The following ARID3B variants were observed in gnomAD, a reference collection of about 807,000 sequenced individuals.
ARID3B encodes AT-rich interaction domain 3B, also known as AT-rich interactive domain-containing protein 3B.
Under a neutral mutation model 51.9 loss-of-function variants are expected in ARID3B, and 10 were observed. The observed-to-expected ratio is 0.19, with a 90% CI of 0.12 to 0.33. The LOEUF is 0.33. Ranked by LOEUF, ARID3B falls within the 10% of genes least tolerant of loss-of-function variation. ARID3B has a pLI of 1.00. For synonymous variants in ARID3B, 205 were observed against 279.5 expected, an observed-to-expected ratio of 0.73 and a Z score of 2.66; for missense variants, 483 against 716.3, an observed-to-expected ratio of 0.67 and a Z score of 3.72.
At chr15:74,577,828 G>A (rs756625225) in intron 4 of ARID3B, among the ~76,000 whole-genome samples, 2 of 151,108 alleles carry the variant, frequency 1.3e-5, no homozygotes, top group Non-Finnish European at 3.0e-5. Flanking sequence ...CCACCACACC[G>A]TGCTGGGCCT....
chr15:74,587,335 G>A (rs1567126119), intron 4 of ARID3B, among the ~76,000 whole-genome samples: 1 of 152,188 alleles, frequency 6.6e-6, no homozygotes, highest in African/African-American at 2.4e-5. Context: ...CTCCAAGGAC[G>A]AATCATGAAG....
At chr15:74,546,186 G>A (rs1441975477) in intron 2 of ARID3B, among the ~76,000 whole-genome samples, 1 of 152,214 alleles carries the variant, frequency 6.6e-6, no homozygotes, top group Non-Finnish European at 1.5e-5. Context: ...CACCCTGGCC[G>A]CCAGCCCAGA....
intron 2 of ARID3B, among the ~76,000 whole-genome samples, chr15:74,566,666 A>G (rs1037237120): frequency 6.6e-6 from 1 of 152,238 alleles, no homozygotes; most frequent in Non-Finnish European, 1.5e-5. Context: ...GAAATTCTCT[A>G]TGATTTCAGT....
At chr15:74,557,598 T>C (rs2061663437) in intron 2 of ARID3B, among the ~76,000 whole-genome samples, 1 of 152,186 alleles carries the variant, frequency 6.6e-6, no homozygotes, top group African/African-American at 2.4e-5. Flanking sequence ...TGTCAGTCTG[T>C]TAATCTTTTT....
chr15:74,564,668 A>T (rs1421432482), intron 2 of ARID3B, among the ~76,000 whole-genome samples: 1 of 152,002 alleles, frequency 6.6e-6, no homozygotes, highest in Non-Finnish European at 1.5e-5. Context: ...TGGTTCAATC[A>T]TGACTCATTG....
intron 8 of ARID3B, among the ~76,000 whole-genome samples, chr15:74,595,028 G>A (rs547388066): frequency 1.3e-5 from 2 of 152,258 alleles, no homozygotes; most frequent in East Asian, 3.9e-4. Context: ...AGAAGTTGAA[G>A]GCTCCTCAAA....
intron 1 of ARID3B, among the ~76,000 whole-genome samples, chr15:74,543,018 G>A: frequency 6.6e-6 from 1 of 152,202 alleles, no homozygotes; most frequent in East Asian, 1.9e-4. Context: ...GGGATGTGAA[G>A]AGATTTACTT....
At chr15:74,575,127 T>C in intron 4 of ARID3B, 1 of 152,164 alleles carries the variant, frequency 6.6e-6, no homozygotes, top group East Asian at 1.9e-4. Context: ...TACCTTTTAA[T>C]TATTTACAAG....
intron 2 of ARID3B, among the ~76,000 whole-genome samples, chr15:74,564,110 A>T (rs781365245): frequency 1.4e-4 from 22 of 152,222 alleles, no homozygotes; most frequent in Non-Finnish European, 2.6e-4. Flanking sequence ...TCTGATAATT[A>T]TAACTCTAGT....
chr15:74,588,802 C>CG (rs2061791398), intron 4 of ARID3B, among the ~76,000 whole-genome samples: 1 of 151,938 alleles, frequency 6.6e-6, no homozygotes, highest in African/African-American at 2.4e-5. Context: ...CACTTCCCCT[C>CG]GGGGCCATTG....
chr15:74,564,839 G>C (rs961914584), intron 2 of ARID3B, among the ~76,000 whole-genome samples: 4 of 151,804 alleles, frequency 2.6e-5, no homozygotes, highest in Non-Finnish European at 5.9e-5. Flanking sequence ...GGGCTCAAGT[G>C]ATCCACCTGC....
Position 74,597,729 on chromosome 15 carries a change from A to T in ARID3B, c.*1955A>T. 2.1e-6 allele frequency: 1 copy of T among 475,306 alleles called. No homozygotes were observed. 29.4% of individuals were successfully genotyped at this position (475,306 alleles called of 1,614,324 possible). On this transcript the variant is annotated 3_prime_UTR_variant, in exon 9 of 9. Transcript: ENST00000346246. The stretch of plus-strand genomic sequence containing the variant: ...TGGACTCTTCCCACCCAGAGGATGC[A>T]GGGAAAGCACACTGTGTCTTTCCGG...
chr15:74,560,437 A>G (rs2061675866), intron 2 of ARID3B, among the ~76,000 whole-genome samples: 1 of 152,128 alleles, frequency 6.6e-6, no homozygotes, highest in Admixed American at 6.5e-5. Flanking sequence ...TTTCACAAAT[A>G]TATTTTGTCT....
At chr15:74,585,948 C>T (rs2061780108) in intron 4 of ARID3B, among the ~76,000 whole-genome samples, 1 of 152,234 alleles carries the variant, frequency 6.6e-6, no homozygotes. Flanking sequence ...GGCATAGCCT[C>T]CGCTCTGTTT....
intron 4 of ARID3B, among the ~76,000 whole-genome samples, chr15:74,584,535 G>A (rs1052159672): frequency 1.3e-5 from 2 of 152,228 alleles, no homozygotes; most frequent in African/African-American, 4.8e-5. Flanking sequence ...AGCCATATGA[G>A]TCTGTCTGGG....
intron 4 of ARID3B, among the ~76,000 whole-genome samples, chr15:74,585,360 C>T (rs1018628779): frequency 2.0e-5 from 3 of 152,198 alleles, no homozygotes; most frequent in South Asian, 2.1e-4. Context: ...TGCTCCCTCC[C>T]GCAAAGACTG....
In ARID3B at chr15:74,544,068, A is replaced by G. The variant is rs755796081; in HGVS notation, c.132A>G (p.Gln44=). ...GAGAAGCCCAGTTCTTGTATGCCCA[A>G]AAGCTGGTCACACAGCCGACTCTCC... ...QMREAQFLYA[Q]KLVTQPTLLS... Residue 44 remains glutamine, a synonymous_variant, in exon 2 of 9, where the codon CAA becomes CAG. Coordinates refer to ENST00000346246, the MANE Select transcript of ARID3B (RefSeq NM_006465.4). 6.2e-7 allele frequency: 1 copy of G among 1,613,948 alleles called. No individual in the cohort carries two copies. The highest frequency in any genetic ancestry group is 1.7e-5 in the Admixed American group (1 of 60,006).
At chr15:74,573,606 G>A in intron 4 of ARID3B, 1 of 235,530 alleles carries the variant, frequency 4.2e-6, no homozygotes, top group Non-Finnish European at 8.4e-6. Context: ...GGCCCCTCAG[G>A]ATATTTTGGA....
At chr15:74,592,837 C>T (rs549500953) in intron 7 of ARID3B, among the ~76,000 whole-genome samples, 3 of 152,294 alleles carry the variant, frequency 2.0e-5, no homozygotes, top group South Asian at 4.2e-4. Context: ...AGGGTTTGCC[C>T]GTCACTTGGA....
Sources: gnomAD v4.1 joint callset for allele counts (sites outside exome capture counted in the v4.1 genomes callset) on GRCh38, gnomAD v4.1.1 for gene constraint, MANE v1.5 for transcripts, NCBI Gene and HGNC (gene_info 2026-07-23, HGNC 2026-07-21) for gene names.